PRSS57: variants seen among roughly 807,000 people sequenced by gnomAD.
The protein encoded by PRSS57 is neutrophil serine protease 4.
Under a neutral mutation model 20.6 loss-of-function variants are expected in PRSS57, and 19 were observed. That is an observed-to-expected ratio of 0.92 (90% confidence interval 0.64 to 1.35). PRSS57 has a LOEUF of 1.35. Among genes scored for constraint, PRSS57 ranks in the 40% most tolerant of loss-of-function variants. PRSS57 has a pLI of 0.00. For missense variants in PRSS57, 440 were observed against 403.7 expected, an observed-to-expected ratio of 1.09 and a Z score of -0.77; for synonymous variants, 203 against 176.6, an observed-to-expected ratio of 1.15 and a Z score of -1.19.
Position 692,078 on chromosome 19 carries a change from C to G in PRSS57, c.234-76G>C, listed in dbSNP as rs767285638. On this transcript the variant is annotated intron_variant, in intron 2 of 4. Transcript: ENST00000329267. ...GGCCTCGGTCCACTCATCTATGAAA[C>G]GGAGGCCCAGGCCGGGCACGGTGGC... The G allele has an allele frequency of 8.0e-5, 98 of 1,229,170 alleles. 1 individual carries two copies. The East Asian group carries it at 3.2e-3, about 40-fold the overall frequency. The allele number at this position is 1,229,170 out of a possible 1,614,324, so 76.1% of individuals were successfully genotyped here. A position where few individuals can be genotyped will look rare whatever the true frequency, so the allele number is the denominator to read the frequency against.
Position 685,555 on chromosome 19 carries a change from C to G in PRSS57, c.*161G>C. ...ACGGGTGAGGCTGGAAGTCAGTTAA[C>G]ATTTTACTGGGTTTGCTTCTGCCCT... On this transcript the variant is annotated 3_prime_UTR_variant, in exon 5 of 5. Transcript: ENST00000329267. The G allele has an allele frequency of 1.4e-6, 1 of 691,770 alleles. No homozygotes were observed. Among genetic ancestry groups the G allele is most frequent in the Non-Finnish European group, 2.3e-6 (1 of 426,534 alleles). The allele number at this position is 691,770 out of a possible 1,614,324, so 42.9% of individuals were successfully genotyped here.
intron 2 of PRSS57, among the ~76,000 whole-genome samples, chr19:692,706 G>A (rs892067506): frequency 4.0e-5 from 6 of 150,000 alleles, no homozygotes; most frequent in Admixed American, 6.6e-5. Context: ...CGTGAGCCAC[G>A]GTGCCCAGCC....
At chr19:690,856 G>T in intron 3 of PRSS57, 1 of 354,406 alleles carries the variant, frequency 2.8e-6, no homozygotes, top group Non-Finnish European at 5.5e-6. Flanking sequence ...TCCCTGGCAA[G>T]GTGACAGGCC....
chr19:688,580 C>A (rs1306530268), intron 3 of PRSS57, among the ~76,000 whole-genome samples: 2 of 146,744 alleles, frequency 1.4e-5, no homozygotes, highest in Non-Finnish European at 3.0e-5. Flanking sequence ...CAGCTTCCCA[C>A]CCGGAGGACT....
At chr19:691,019 A>C in intron 3 of PRSS57, 1 of 380,236 alleles carries the variant, frequency 2.6e-6, no homozygotes, top group Non-Finnish European at 5.0e-6. Context: ...CACTTTGCCA[A>C]GGCCGCCTCT....
At chr19:686,856 G>A in intron 4 of PRSS57, 69 bp downstream of exon 4, 1 of 1,543,392 alleles carries the variant, frequency 6.5e-7, no homozygotes. Context: ...GCCCTTCCTG[G>A]CCCTGACCCT....
chr19:687,000 G>A lies in PRSS57; in HGVS notation c.567C>T (p.Ser189=). Residue 189 remains serine, a synonymous_variant, in exon 4 of 5, where the codon AGC becomes AGT. Coordinates refer to ENST00000329267, the MANE Select transcript of PRSS57 (RefSeq NM_001308209.2). ...TAAGTGTCAGGTGGCCCTTCCAGGA[G>A]CTGTTGCAGACGTCCGGGTCCAGCA... The part of the protein sequence containing the change: ...VRVLDPDVCN[S]SWKGHLTLTM... The A allele has an allele frequency of 6.2e-7, 1 of 1,614,126 alleles. No individual in the cohort carries two copies. Among genetic ancestry groups the A allele is most frequent in the Non-Finnish European group, 8.5e-7 (1 of 1,180,032 alleles).
In PRSS57 at chr19:695,359, CT is replaced by C; in HGVS notation, c.71del (p.Lys24SerfsTer16). ...TCCCGGGGGGCTCCTCACCGGGGGG[CT>C]TCACGGGCAGCATCAGGGCGGTGGC... is the stretch of plus-strand genomic sequence containing the variant. ...TVATALMLPV[K>X]PPGSWGAQII... On this transcript the variant is annotated frameshift_variant, in exon 1 of 5. Transcript: ENST00000329267. LOFTEE classifies it high-confidence loss of function. 7.8e-7 allele frequency: 1 copy of C among 1,274,836 alleles called. No homozygotes were observed. Among genetic ancestry groups the C allele is most frequent in the Non-Finnish European group, 9.9e-7 (1 of 1,006,308 alleles). The allele number at this position is 1,274,836 out of a possible 1,614,324, so 79.0% of individuals were successfully genotyped here. A position where few individuals can be genotyped will look rare whatever the true frequency, so the allele number is the denominator to read the frequency against.
chr19:691,442 T>C (rs987587729), intron 3 of PRSS57, among the ~76,000 whole-genome samples: 1 of 149,154 alleles, frequency 6.7e-6, no homozygotes, highest in Admixed American at 6.7e-5. Flanking sequence ...GAGGCGGAGG[T>C]TACAGTGAGC....
rs777636149 is a variant in PRSS57, at chr19:685,714, G to A, written c.*2C>T. 2.6e-6 allele frequency: 4 copies of A among 1,534,078 alleles called. No homozygotes were observed. The Admixed American group carries it at 5.8e-5, about 22-fold the overall frequency. ...CTCATTTGCATGCCGCAAGGTTGTG[G>A]CTCAGGCGGCTTCTCCTGGGGGCCT... On this transcript the variant is annotated 3_prime_UTR_variant, in exon 5 of 5. Coordinates refer to ENST00000329267, the MANE Select transcript of PRSS57 (RefSeq NM_001308209.2).
At chr19:689,980 GA>G (rs2031594930) in intron 3 of PRSS57, among the ~76,000 whole-genome samples, 2 of 151,718 alleles carry the variant, frequency 1.3e-5, no homozygotes, top group South Asian at 4.2e-4. Flanking sequence ...TTGAACCCGG[GA>G]GATGGAGGTT....
At chr19:688,361 T>TC (rs1183462975) in intron 3 of PRSS57, among the ~76,000 whole-genome samples, 1 of 151,732 alleles carries the variant, frequency 6.6e-6, no homozygotes, top group African/African-American at 2.4e-5. Flanking sequence ...TTTTGTTTTT[T>TC]TCAGAGTCTT....
chr19:695,301 C>T (rs569886680), intron 1 of PRSS57, 51 bp downstream of exon 1: 14 of 943,216 alleles, frequency 1.5e-5, no homozygotes, highest in Admixed American at 1.3e-4. Flanking sequence ...GTGTGGCCCC[C>T]GTACGGGGAC....
chr19:687,444 C>A (rs1424680998), intron 3 of PRSS57, among the ~76,000 whole-genome samples: 3 of 152,148 alleles, frequency 2.0e-5, no homozygotes, highest in African/African-American at 7.2e-5. Context: ...CTCGCTCTGT[C>A]GCCCAGGCTG....
In PRSS57 at chr19:687,064, T is replaced by A; in HGVS notation, c.503A>T (p.Glu168Val). The change falls in exon 4 of 5, where the codon GAG (glutamate) becomes GTG (valine). Residue 168 changes from glutamate to valine, a missense_variant. Glu to Val is a moderately radical substitution (Grantham distance 121, BLOSUM62 -2). Transcript: ENST00000329267. ...VAGWGFVSDF[E>V]ELPPGLMEAK... ...CTCCATCAGTCCAGGCGGCAGCTCC[T>A]CAAAGTCAGACACGAAGCCCCAGCC... 6.2e-7 allele frequency: 1 copy of A among 1,613,962 alleles called. No homozygotes were observed. The highest frequency in any genetic ancestry group is 2.2e-5 in the East Asian group (1 of 44,876).
At chr19:692,702 C>G (rs2031682482) in intron 2 of PRSS57, among the ~76,000 whole-genome samples, 1 of 151,646 alleles carries the variant, frequency 6.6e-6, no homozygotes, top group Non-Finnish European at 1.5e-5. Flanking sequence ...CAGGCGTGAG[C>G]CACGGTGCCC....
chr19:689,256 C>T (rs1325956626), intron 3 of PRSS57, among the ~76,000 whole-genome samples: 2 of 148,584 alleles, frequency 1.3e-5, no homozygotes, highest in Non-Finnish European at 3.0e-5. Context: ...GATGACGGGG[C>T]CGGAAGGGTG....
chr19:690,697 CG>C, intron 3 of PRSS57: 3 of 316,496 alleles, frequency 9.5e-6, no homozygotes, highest in Non-Finnish European at 1.8e-5. Flanking sequence ...CTGTTCCCAC[CG>C]GGGACTACAA....
At position 692,105 on chromosome 19, in the gene PRSS57, C is replaced by T. The variant is rs2031666205; in HGVS notation, c.234-103G>A. On this transcript the variant is annotated intron_variant, in intron 2 of 4. Transcript: ENST00000329267. ...GAGGCCCAGGCCGGGCACGGTGGCT[C>T]ACGCCTGTAATCCCAGCACTTTGGG... 8 of 1,163,936 alleles carry T rather than the reference C, an allele frequency of 6.9e-6. No individual in the cohort carries two copies. The South Asian group carries it at 2.6e-4, about 38-fold the overall frequency. The allele number at this position is 1,163,936 out of a possible 1,614,324, so 72.1% of individuals were successfully genotyped here. A position where few individuals can be genotyped will look rare whatever the true frequency, so the allele number is the denominator to read the frequency against.
Sources: gnomAD v4.1 joint callset for allele counts (sites outside exome capture counted in the v4.1 genomes callset) on GRCh38, gnomAD v4.1.1 for gene constraint, MANE v1.5 for transcripts, NCBI Gene and HGNC (gene_info 2026-07-23, HGNC 2026-07-21) for gene names.